The following EMX1 variants were observed in gnomAD, a reference collection of about 807,000 sequenced individuals.
EMX1 encodes homeobox protein EMX1.
EMX1 carries 10 observed loss-of-function variants against 20.1 expected under a neutral mutation model. That is an observed-to-expected ratio of 0.50 (90% confidence interval 0.31 to 0.84). The LOEUF (loss-of-function observed/expected upper bound fraction) is 0.84, where lower values mean the gene tolerates loss of function less well. EMX1 is among the 40% of genes least tolerant of loss of function. The pLI is 0.05. For synonymous variants in EMX1, 250 were observed against 200.4 expected, an observed-to-expected ratio of 1.25 and a Z score of -2.09; for missense variants, 424 against 431.9, an observed-to-expected ratio of 0.98 and a Z score of 0.16.
chr2:72,923,959 C>T (rs748203239), intron 1 of EMX1: 104 of 408,476 alleles, frequency 2.5e-4, no homozygotes, highest in Non-Finnish European at 4.1e-4. Context: ...GACTTTTCTT[C>T]CCCACCCCTT....
intron 2 of EMX1, among the ~76,000 whole-genome samples, chr2:72,928,473 C>T (rs958806594): frequency 1.3e-5 from 2 of 152,094 alleles, no homozygotes; most frequent in African/African-American, 4.8e-5. Flanking sequence ...TGGAGTGCAG[C>T]TTGCATGCTT....
intron 2 of EMX1, among the ~76,000 whole-genome samples, chr2:72,931,478 C>T (rs1671285188): frequency 6.6e-6 from 1 of 152,200 alleles, no homozygotes; most frequent in Non-Finnish European, 1.5e-5. Context: ...GGCCCTGAGT[C>T]ACGCACAGGA....
intron 2 of EMX1, chr2:72,933,067 C>G (rs928446142): frequency 1.3e-5 from 2 of 152,318 alleles, no homozygotes; most frequent in African/African-American, 2.4e-5. Context: ...CAAGGCCCCC[C>G]ACCTGCCCAG....
intron 1 of EMX1, among the ~76,000 whole-genome samples, chr2:72,921,003 G>C (rs1671093668): frequency 6.6e-6 from 1 of 152,178 alleles, no homozygotes; most frequent in Non-Finnish European, 1.5e-5. Context: ...TCCGCCGCCT[G>C]TCCTGCCTCT....
chr2:72,927,205 A>G (rs1310306231), intron 2 of EMX1, among the ~76,000 whole-genome samples: 2 of 152,148 alleles, frequency 1.3e-5, no homozygotes, highest in African/African-American at 4.8e-5. Context: ...TATCTTTGTC[A>G]TCTATTTTAC....
chr2:72,925,959 A>C, intron 2 of EMX1: 1 of 985,416 alleles, frequency 1.0e-6, no homozygotes, highest in Non-Finnish European at 1.2e-6. Context: ...GTTTCAAAGA[A>C]AGATGTGTTT....
chr2:72,917,051 G>A (rs1428874798), upstream of EMX1: 1 of 664,040 alleles, frequency 1.5e-6, no homozygotes, highest in East Asian at 2.7e-5. Flanking sequence ...CGCGGCCCAG[G>A]AGGCCGATGG....
intron 2 of EMX1, among the ~76,000 whole-genome samples, chr2:72,931,950 G>A (rs1671292719): frequency 6.6e-6 from 1 of 152,258 alleles, no homozygotes; most frequent in Non-Finnish European, 1.5e-5. Context: ...AGAGAGGACT[G>A]CCTGGGAAGG....
At position 72,918,204 on chromosome 2, in the gene EMX1, G is replaced by A; in HGVS notation, c.352G>A (p.Val118Met). The A allele has an allele frequency of 6.4e-7, 1 of 1,560,550 alleles. No homozygotes were observed. Among genetic ancestry groups the A allele is most frequent in the Non-Finnish European group, 8.6e-7 (1 of 1,165,622 alleles). ...CTCGCTCTACGGTGGGCCCGAGCTC[G>A]TGTTCCCCGAGGCCATGAACCACCC... ...GRSLYGGPEL[V>M]FPEAMNHPAL... Residue 118 changes from valine (V) to methionine (M), a missense_variant, in exon 1 of 3, where the codon GTG becomes ATG. Around this residue, in one of 2 missense-constraint regions of EMX1, gnomAD observed 333 missense variants for 296.6 expected, o/e 1.12. Coordinates refer to ENST00000258106, the MANE Select transcript of EMX1 (RefSeq NM_004097.3).
chr2:72,916,230 G>T (rs973537479), upstream of EMX1: 1 of 162,972 alleles, frequency 6.1e-6, no homozygotes, highest in African/African-American at 2.4e-5. Context: ...CAGGCGGGCC[G>T]CTGCCAAGAC....
chr2:72,929,119 G>A (rs1671246198), intron 2 of EMX1, among the ~76,000 whole-genome samples: 1 of 152,138 alleles, frequency 6.6e-6, no homozygotes, highest in Admixed American at 6.5e-5. Flanking sequence ...CTGAATTTTA[G>A]GGAAAAATCA....
chr2:72,934,158 C>A lies in EMX1; in HGVS notation c.*204C>A. On this transcript the variant is annotated 3_prime_UTR_variant, in exon 3 of 3. Transcript: ENST00000258106. ...CTGAGGCCTGGGACCACTTGGCCTT[C>A]TCCTCGGAGAGCCTGCCTGCCTGGG... 1.4e-6 allele frequency: 1 copy of A among 717,868 alleles called. No individual in the cohort carries two copies. Among genetic ancestry groups the A allele is most frequent in the Non-Finnish European group, 2.2e-6 (1 of 463,464 alleles). 44.5% of individuals were successfully genotyped at this position (717,868 alleles called of 1,614,324 possible).
chr2:72,918,530 C>A (rs1671039333), intron 1 of EMX1, among the ~76,000 whole-genome samples, 158 bp downstream of exon 1: 1 of 152,262 alleles, frequency 6.6e-6, no homozygotes, highest in African/African-American at 2.4e-5. Flanking sequence ...AGCTGTGCGG[C>A]ATCCACCCGC....
At chr2:72,926,817 A>T (rs1444055288) in intron 2 of EMX1, among the ~76,000 whole-genome samples, 1 of 152,182 alleles carries the variant, frequency 6.6e-6, no homozygotes, top group African/African-American at 2.4e-5. Flanking sequence ...TTCCTCCCTT[A>T]TGCAGTTTCC....
At chr2:72,916,342 C>A (rs952240686), upstream of EMX1, 2 of 336,650 alleles carry the variant, frequency 5.9e-6, no homozygotes, top group South Asian at 5.9e-5. Flanking sequence ...GCGCTCAGGC[C>A]GCTAGAATGG....
At chr2:72,926,889 T>A (rs1671214513) in intron 2 of EMX1, among the ~76,000 whole-genome samples, 1 of 152,170 alleles carries the variant, frequency 6.6e-6, no homozygotes, top group Non-Finnish European at 1.5e-5. Flanking sequence ...GCTATATAAT[T>A]AGCTACTTCT....
At chr2:72,916,671 G>T, upstream of EMX1, 1 of 715,398 alleles carries the variant, frequency 1.4e-6, no homozygotes, top group Non-Finnish European at 2.6e-6. Flanking sequence ...GACGGCTGGC[G>T]TGTTCTCTTG....
Position 72,917,937 on chromosome 2 carries a change from C to A in EMX1, c.85C>A (p.Pro29Thr). 6.7e-7 allele frequency: 1 copy of A among 1,486,120 alleles called. No individual in the cohort carries two copies. The highest frequency in any genetic ancestry group is 8.9e-7 in the Non-Finnish European group (1 of 1,125,978). 92.1% of individuals were successfully genotyped at this position (1,486,120 alleles called of 1,614,324 possible). A position where few individuals can be genotyped will look rare whatever the true frequency, so the allele number is the denominator to read the frequency against. Residue 29 changes from proline (P) to threonine (T), a missense_variant, in exon 1 of 3, where the codon CCC (proline) becomes ACC (threonine). Transcript: ENST00000258106. Reference protein sequence around the residue: ...LPRARLPRTAPAAATMFQPAA... With the variant: ...LPRARLPRTATAAATMFQPAA... Reference sequence around the variant, plus strand: ...CAGAGCCCGGCTGCCTCGCACAGCTCCCGCGGCTGCGACCATGTTCCAGCC... The same window carrying A: ...CAGAGCCCGGCTGCCTCGCACAGCTACCGCGGCTGCGACCATGTTCCAGCC...
At chr2:72,925,664 C>T (rs1210576714) in intron 2 of EMX1, 2 of 1,162,088 alleles carry the variant, frequency 1.7e-6, no homozygotes, top group South Asian at 1.6e-5. Context: ...AGAAGATGCC[C>T]GGCATGGGGG....
Sources: gnomAD v4.1 joint callset for allele counts (sites outside exome capture counted in the v4.1 genomes callset) on GRCh38, gnomAD v4.1.1 for gene constraint, gnomAD v4.1.1 regional missense constraint, MANE v1.5 for transcripts, NCBI Gene and HGNC (gene_info 2026-07-23, HGNC 2026-07-21) for gene names.